TNS3: variants seen among roughly 807,000 people sequenced by gnomAD.
The protein encoded by TNS3 is tensin 3.
Under a neutral mutation model 140.9 loss-of-function variants are expected in TNS3, and 45 were observed. The ratio of observed to expected loss-of-function variants is 0.32; its 90% CI spans 0.25 to 0.41. The LOEUF is 0.41. TNS3 is among the 10% of genes least tolerant of loss of function. The pLI is 1.00. For synonymous variants in TNS3, 815 were observed against 788.4 expected, an observed-to-expected ratio of 1.03 and a Z score of -0.56; for missense variants, 1,716 against 1,906.7, an observed-to-expected ratio of 0.90 and a Z score of 1.86.
intron 23 of TNS3, among the ~76,000 whole-genome samples, chr7:47,300,567 C>T (rs983346782): frequency 1.3e-5 from 2 of 152,242 alleles, no homozygotes; most frequent in Non-Finnish European, 2.9e-5. Flanking sequence ...CAGCAGTGCA[C>T]TCCAACCCAA....
intron 4 of TNS3, among the ~76,000 whole-genome samples, chr7:47,445,449 A>C (rs1253516560): frequency 1.3e-5 from 2 of 152,196 alleles, no homozygotes; most frequent in Admixed American, 1.3e-4. Flanking sequence ...ACCTTCTGAC[A>C]CCAAAACTCT....
chr7:47,346,400 G>A (rs2151002892), intron 17 of TNS3, 44 bp from the exon 18 acceptor site: 1 of 1,604,388 alleles, frequency 6.2e-7, no homozygotes, highest in Non-Finnish European at 8.5e-7. Context: ...CTTCCTCAAG[G>A]CGGAGTGAGG....
At chr7:47,315,863 A>T (rs1286771913) in intron 20 of TNS3, among the ~76,000 whole-genome samples, 1 of 152,232 alleles carries the variant, frequency 6.6e-6, no homozygotes, top group Non-Finnish European at 1.5e-5. Context: ...AAAATTATTC[A>T]CTCATACATC....
intron 20 of TNS3, among the ~76,000 whole-genome samples, chr7:47,333,466 G>C (rs1302537312): frequency 6.6e-6 from 1 of 152,202 alleles, no homozygotes; most frequent in Admixed American, 6.5e-5. Context: ...AACCCATGGA[G>C]AAATCCATAT....
At chr7:47,301,739 T>A (rs1349131875) in intron 23 of TNS3, among the ~76,000 whole-genome samples, 1 of 151,712 alleles carries the variant, frequency 6.6e-6, no homozygotes, top group Admixed American at 6.6e-5. Flanking sequence ...CATTATTAAG[T>A]GCTTATGTAG....
intron 17 of TNS3, among the ~76,000 whole-genome samples, chr7:47,361,925 A>C (rs1435703052): frequency 3.9e-5 from 6 of 152,188 alleles, no homozygotes; most frequent in Admixed American, 3.9e-4. Context: ...ATGAAAAAAA[A>C]CCACAGAACT....
At chr7:47,382,938 G>A (rs1340980930) in intron 16 of TNS3, among the ~76,000 whole-genome samples, 1 of 152,164 alleles carries the variant, frequency 6.6e-6, no homozygotes, top group Non-Finnish European at 1.5e-5. Context: ...AATAGCAAGC[G>A]GGACAGGAGG....
intron 1 of TNS3, chr7:47,581,382 T>C (rs1784531150): frequency 7.8e-6 from 1 of 128,872 alleles, no homozygotes; most frequent in South Asian, 2.7e-4. Flanking sequence ...AGGAAGCGCG[T>C]AAAGACCCCC....
intron 15 of TNS3, among the ~76,000 whole-genome samples, chr7:47,399,519 A>G (rs1793032148): frequency 2.6e-5 from 4 of 152,180 alleles, no homozygotes; most frequent in Admixed American, 2.6e-4. Context: ...CAGAAATACA[A>G]CTGACTACAA....
In TNS3 at chr7:47,496,039, C is replaced by T. The variant is rs184891995; in HGVS notation, c.-115+10868G>A. ...ACGGTGCCACAGGGCTGGGGAGAGG[C>T]CCCGATGCCACCCAGCCCAGAAGCC... On this transcript the variant is annotated intron_variant, in intron 3 of 30. Transcript: ENST00000311160. Among the ~76,000 whole-genome samples, 531 of 152,230 alleles carry T rather than the reference C, an allele frequency of 3.5e-3. 1 individual carries two copies. The highest frequency in any genetic ancestry group is 0.012 in the African/African-American group (518 of 41,518).
rs148386612 is a variant in TNS3 at position 47,376,013 on chromosome 7, A to G, written c.1025-6392T>C. On this transcript the variant is annotated intron_variant, in intron 16 of 30. Coordinates refer to ENST00000311160, the MANE Select transcript of TNS3 (RefSeq NM_022748.12). ...TAAAAAGTAACTTTTTCATTTCAAA[A>G]GAACTAACAGTATCCTCCCTGCAAT... Among the ~76,000 whole-genome samples, 8 of 152,380 alleles carry G rather than the reference A, an allele frequency of 5.3e-5. No individual in the cohort carries two copies. In the East Asian group the frequency reaches 1.3e-3, roughly 26 times the overall value.
intron 2 of TNS3, among the ~76,000 whole-genome samples, chr7:47,517,009 G>T (rs908412333): frequency 7.9e-5 from 12 of 152,200 alleles, no homozygotes; most frequent in African/African-American, 2.9e-4. Context: ...GTTGCAGTGA[G>T]CCAAGACCAC....
At chr7:47,399,080 GAAAA>G (rs55834937) in intron 15 of TNS3, among the ~76,000 whole-genome samples, 2 of 93,598 alleles carry the variant, frequency 2.1e-5, no homozygotes, top group Non-Finnish European at 3.9e-5. Flanking sequence ...TACGACAGCT[GAAAA>G]AAAAAAAAAA....
At chr7:47,500,788 G>A (rs1229570626) in intron 3 of TNS3, among the ~76,000 whole-genome samples, 2 of 152,150 alleles carry the variant, frequency 1.3e-5, no homozygotes, top group Non-Finnish European at 2.9e-5. Flanking sequence ...TATGAAAAAC[G>A]TATTGGTCCT....
At chr7:47,484,999 AG>A (rs996496756) in intron 3 of TNS3, among the ~76,000 whole-genome samples, 14 of 152,194 alleles carry the variant, frequency 9.2e-5, no homozygotes, top group African/African-American at 3.4e-4. Context: ...CAGGGCTGGG[AG>A]GGTCCCGGTG....
chr7:47,393,034 G>A (rs938164847), intron 16 of TNS3, among the ~76,000 whole-genome samples: 13 of 152,164 alleles, frequency 8.5e-5, no homozygotes, highest in African/African-American at 3.1e-4. Context: ...TCAGTGAGAA[G>A]GACATGGGAA....
chr7:47,306,650 C>A (rs1256176085), intron 20 of TNS3, among the ~76,000 whole-genome samples: 1 of 152,106 alleles, frequency 6.6e-6, no homozygotes, highest in Non-Finnish European at 1.5e-5. Context: ...TCTCGACTCA[C>A]TGCAAGCTCC....
At chr7:47,523,658 C>T (rs1282177953) in intron 2 of TNS3, among the ~76,000 whole-genome samples, 1 of 152,202 alleles carries the variant, frequency 6.6e-6, no homozygotes, top group Non-Finnish European at 1.5e-5. Context: ...GGCCCTCCTT[C>T]CTCCAGAAGG....
chr7:47,421,609 C>T (rs1794375085), intron 10 of TNS3, among the ~76,000 whole-genome samples: 1 of 152,138 alleles, frequency 6.6e-6, no homozygotes, highest in Non-Finnish European at 1.5e-5. Context: ...AAGAGGAAGG[C>T]TTCCAAGTTT....
Sources: allele counts gnomAD v4.1 joint callset (sites outside exome capture counted in the v4.1 genomes callset), GRCh38; gene constraint gnomAD v4.1.1; transcripts MANE v1.5; gene names NCBI Gene and HGNC (gene_info 2026-07-23, HGNC 2026-07-21).